ULK4: variants seen among roughly 807,000 people sequenced by gnomAD.
ULK4 encodes the protein inactive serine/threonine-protein kinase ULK4.
ULK4 carries 133 observed loss-of-function variants against 160.6 expected under a neutral mutation model. The observed-to-expected ratio is 0.83, with a 90% CI of 0.72 to 0.96. The LOEUF (loss-of-function observed/expected upper bound fraction) is 0.96. Ranked by LOEUF, ULK4 falls within the 40% of genes least tolerant of loss-of-function variation. The pLI is 0.00. For missense variants in ULK4, 1,580 were observed against 1,499.5 expected (o/e 1.05, Z -0.89); for synonymous variants, 534 against 539.8 (o/e 0.99, Z 0.15).
At chr3:41,305,673 G>C (rs2079897390) in intron 35 of ULK4, among the ~76,000 whole-genome samples, 1 of 150,550 alleles carries the variant, frequency 6.6e-6, no homozygotes, top group African/African-American at 2.5e-5. Flanking sequence ...GTCTCTGCCT[G>C]GCCGCCCATC....
chr3:41,951,476 T>C (rs1232847430), intron 2 of ULK4, among the ~76,000 whole-genome samples: 1 of 149,858 alleles, frequency 6.7e-6, no homozygotes, highest in African/African-American at 2.4e-5. Flanking sequence ...AAAAACAGTA[T>C]AGTACTGGCA....
At chr3:41,838,025 TAC>T (rs1383268079) in intron 17 of ULK4, among the ~76,000 whole-genome samples, 2 of 152,230 alleles carry the variant, frequency 1.3e-5, no homozygotes, top group African/African-American at 2.4e-5. Flanking sequence ...AGGTCACTTC[TAC>T]ACAGTCTTCC....
At chr3:41,380,968 T>G (rs532447157) in intron 35 of ULK4, among the ~76,000 whole-genome samples, 35 of 152,250 alleles carry the variant, frequency 2.3e-4, no homozygotes, top group African/African-American at 7.9e-4. Flanking sequence ...GAAGGCTCCT[T>G]GGTTCTCACT....
chr3:41,590,791 A>AG (rs2031243064), intron 31 of ULK4, among the ~76,000 whole-genome samples: 1 of 152,048 alleles, frequency 6.6e-6, no homozygotes, highest in Non-Finnish European at 1.5e-5. Flanking sequence ...GAAAAAAAAA[A>AG]AAACTCTGAA....
intron 34 of ULK4, among the ~76,000 whole-genome samples, chr3:41,454,652 A>T (rs1180430095): frequency 6.6e-6 from 1 of 152,050 alleles, no homozygotes; most frequent in African/African-American, 2.4e-5. Context: ...AAAGACTGGG[A>T]CGTTTTGTAG....
At chr3:41,842,117 A>C in intron 17 of ULK4, among the ~76,000 whole-genome samples, 1 of 145,200 alleles carries the variant, frequency 6.9e-6, no homozygotes, top group Non-Finnish European at 1.5e-5. Context: ...CTCTGAGAAA[A>C]CCCAAGAATG....
chr3:41,371,917 TA>T, intron 35 of ULK4, among the ~76,000 whole-genome samples: 1 of 152,090 alleles, frequency 6.6e-6, no homozygotes, highest in East Asian at 1.9e-4. Flanking sequence ...GAGGAATTGC[TA>T]ACTAAAATAA....
At chr3:41,782,827 C>T (rs1335022848) in intron 21 of ULK4, among the ~76,000 whole-genome samples, 2 of 152,052 alleles carry the variant, frequency 1.3e-5, no homozygotes, top group East Asian at 3.9e-4. Context: ...TTCTCCCTGG[C>T]AAATCAATGG....
chr3:41,803,390 G>C (rs2040528375), intron 19 of ULK4, among the ~76,000 whole-genome samples: 1 of 152,104 alleles, frequency 6.6e-6, no homozygotes, highest in Non-Finnish European at 1.5e-5. Flanking sequence ...AGATTAATTT[G>C]AGATGAATCA....
At chr3:41,463,777 T>C (rs1296589339) in intron 32 of ULK4, among the ~76,000 whole-genome samples, 4 of 152,098 alleles carry the variant, frequency 2.6e-5, no homozygotes, top group African/African-American at 9.7e-5. Flanking sequence ...ATATTAACAG[T>C]GTGGTTGGTC....
intron 32 of ULK4, among the ~76,000 whole-genome samples, chr3:41,507,019 C>T (rs1176588453): frequency 6.7e-6 from 1 of 148,954 alleles, no homozygotes; most frequent in African/African-American, 2.5e-5. Flanking sequence ...TACATATGTA[C>T]ATATTTGCTA....
chr3:41,607,204 T>C (rs1326644982), intron 31 of ULK4, among the ~76,000 whole-genome samples: 1 of 152,110 alleles, frequency 6.6e-6, no homozygotes, highest in Non-Finnish European at 1.5e-5. Context: ...ATTAGCTTGA[T>C]GATAGTGAAA....
intron 21 of ULK4, among the ~76,000 whole-genome samples, chr3:41,772,014 G>C (rs891628883): frequency 4.6e-5 from 7 of 152,038 alleles, no homozygotes; most frequent in Non-Finnish European, 1.0e-4. Flanking sequence ...TGCTCACTCT[G>C]GTGGGTTACC....
intron 36 of ULK4, among the ~76,000 whole-genome samples, chr3:41,249,254 C>A (rs1237251258): frequency 6.6e-6 from 1 of 152,216 alleles, no homozygotes; most frequent in Non-Finnish European, 1.5e-5. Flanking sequence ...CTAAGACTTT[C>A]TCTCCCCCTG....
intron 32 of ULK4, among the ~76,000 whole-genome samples, chr3:41,530,815 G>C (rs2086282678): frequency 6.6e-6 from 1 of 152,110 alleles, no homozygotes; most frequent in African/African-American, 2.4e-5. Context: ...CCAGGCTGGA[G>C]TGCAGTGGCA....
In ULK4 at chr3:41,566,097, G is replaced by A. The variant is rs377578978; in HGVS notation, c.3154C>T (p.Gln1052Ter). 51 of 1,613,312 alleles carry A rather than the reference G, an allele frequency of 3.2e-5. No homozygotes were observed. Among genetic ancestry groups the A allele is most frequent in the Non-Finnish European group, 4.2e-5 (50 of 1,179,834 alleles). Residue 1052 changes from glutamine to a stop codon, truncating the protein, a stop_gained, in exon 32 of 37, where the codon CAA becomes TAA. Transcript: ENST00000301831. LOFTEE classifies it high-confidence loss of function. Reference protein sequence around the residue: ...HQESILGNTMQSVIALLSNLV... With the variant: ...HQESILGNTM ...TTGCTGAGTAATGCAATCACACTTT[G>A]CATGGTATTACCCAGAATGCTCTCC...
intron 35 of ULK4, among the ~76,000 whole-genome samples, chr3:41,302,213 A>C (rs1029687202): frequency 2.0e-5 from 3 of 152,240 alleles, no homozygotes; most frequent in Non-Finnish European, 4.4e-5. Flanking sequence ...TAACTTTTTA[A>C]AAGTCATTTT....
intron 32 of ULK4, among the ~76,000 whole-genome samples, chr3:41,541,477 G>C (rs1458235505): frequency 6.6e-6 from 1 of 152,036 alleles, no homozygotes; most frequent in Non-Finnish European, 1.5e-5. Flanking sequence ...CTCCAGCTTT[G>C]TTCTTTTTGC....
At chr3:41,670,240 T>C (rs1387734937) in intron 29 of ULK4, among the ~76,000 whole-genome samples, 1 of 152,210 alleles carries the variant, frequency 6.6e-6, no homozygotes, top group Non-Finnish European at 1.5e-5. Flanking sequence ...TTGAGAAGGT[T>C]AAAGACATTC....
Sources: allele counts gnomAD v4.1 joint callset (sites outside exome capture counted in the v4.1 genomes callset), GRCh38; gene constraint gnomAD v4.1.1; transcripts MANE v1.5; gene names NCBI Gene and HGNC (gene_info 2026-07-23, HGNC 2026-07-21).